TPD52: variants seen among roughly 807,000 people sequenced by gnomAD.
TPD52 encodes the protein prostate and colon associated protein.
A neutral mutation model predicts 31.3 loss-of-function variants in TPD52; 17 were observed. That is an observed-to-expected ratio of 0.54 (90% CI 0.37 to 0.82). The LOEUF (loss-of-function observed/expected upper bound fraction) is 0.82. TPD52 is among the 40% of genes least tolerant of loss of function. The pLI, the probability that TPD52 is intolerant of heterozygous loss-of-function variation, is 0.00. For synonymous variants in TPD52, 83 were observed against 89.6 expected (o/e 0.93, Z 0.42); for missense variants, 212 against 240.1 (o/e 0.88, Z 0.77).
intron 1 of TPD52, among the ~76,000 whole-genome samples, chr8:80,112,407 T>C (rs1331851344): frequency 2.6e-5 from 4 of 152,214 alleles, no homozygotes; most frequent in Non-Finnish European, 5.9e-5. Context: ...ACCTTGAGCC[T>C]GTGTTCTTGG....
chr8:80,045,697 A>G (rs374860396), intron 5 of TPD52, among the ~76,000 whole-genome samples: 89 of 152,228 alleles, frequency 5.8e-4, no homozygotes, highest in Non-Finnish European at 1.0e-3. Flanking sequence ...TCTTGGTTTC[A>G]ATAATAGAAG....
intron 1 of TPD52, among the ~76,000 whole-genome samples, chr8:80,066,338 C>T (rs1304951829): frequency 6.6e-6 from 1 of 152,028 alleles, no homozygotes; most frequent in Non-Finnish European, 1.5e-5. Context: ...AAAATAGTGC[C>T]TACCTGGAAA....
At position 80,100,129 on chromosome 8, in the gene TPD52, A is replaced by C. The variant is rs562509143; in HGVS notation, c.20-35536T>G. Among the ~76,000 whole-genome samples, 8 of 152,354 alleles carry C rather than the reference A, an allele frequency of 5.3e-5. No individual in the cohort carries two copies. In the South Asian group the frequency reaches 1.7e-3, roughly 32 times the overall value. On this transcript the variant is annotated intron_variant, in intron 1 of 7. Coordinates refer to ENST00000518937, the MANE Select transcript of TPD52 (RefSeq NM_001025253.3). ...ATTCTTGATAAAGAGGATTTGATTT[A>C]GAAAGATAATCCTCTGGGGAAATCT... is the stretch of plus-strand genomic sequence containing the variant.
At chr8:80,071,297 C>T (rs1401739653) in intron 1 of TPD52, among the ~76,000 whole-genome samples, 1 of 152,160 alleles carries the variant, frequency 6.6e-6, no homozygotes, top group Non-Finnish European at 1.5e-5. Context: ...CTTCTTTAAT[C>T]ACATTTATCT....
intron 1 of TPD52, among the ~76,000 whole-genome samples, chr8:80,107,751 GT>G (rs74275133): frequency 0.077 from 11,463 of 148,826 alleles, 505 homozygotes; most frequent in African/African-American, 0.12. Context: ...CCAAATGTGT[GT>G]TTTTTTTTTA....
chr8:80,144,578 A>T (rs958081602), intron 1 of TPD52, among the ~76,000 whole-genome samples: 18 of 152,110 alleles, frequency 1.2e-4, no homozygotes, highest in African/African-American at 4.3e-4. Context: ...CTCCTCTTAC[A>T]TTAAATATTT....
intron 1 of TPD52, among the ~76,000 whole-genome samples, chr8:80,087,544 G>A (rs938915151): frequency 8.5e-5 from 13 of 152,184 alleles, no homozygotes; most frequent in African/African-American, 2.4e-4. Context: ...CAGCCCTGAG[G>A]GCGCTGTGGA....
chr8:80,104,261 G>T (rs900788840), intron 1 of TPD52, among the ~76,000 whole-genome samples: 1 of 152,152 alleles, frequency 6.6e-6, no homozygotes, highest in Non-Finnish European at 1.5e-5. Context: ...TCCCAGTTTG[G>T]GGGTGTGGGG....
downstream of TPD52, chr8:80,032,962 G>C (rs1470788178): frequency 6.6e-6 from 1 of 152,448 alleles, no homozygotes; most frequent in Non-Finnish European, 1.5e-5. Context: ...TGCCAAGGGT[G>C]AGCCAGGCAT....
At chr8:80,047,281 C>T (rs746088241) in intron 5 of TPD52, among the ~76,000 whole-genome samples, 3 of 152,170 alleles carry the variant, frequency 2.0e-5, no homozygotes, top group Non-Finnish European at 2.9e-5. Context: ...GTTTCCTCAT[C>T]TGTAATATCA....
At chr8:80,160,889 C>CAAAAAAAAAAAAAAAAAAAAAAAA (rs58923055) in intron 1 of TPD52, among the ~76,000 whole-genome samples, 1 of 95,096 alleles carries the variant, frequency 1.1e-5, no homozygotes, top group African/African-American at 4.3e-5. Context: ...ACTAAAAATA[C>CAAAAAAAAAAAAAAAAAAAAAAAA]AAAAAAAAAA....
intron 1 of TPD52, among the ~76,000 whole-genome samples, chr8:80,096,277 AAC>A (rs752164327): frequency 8.0e-6 from 1 of 125,614 alleles, no homozygotes; most frequent in Admixed American, 8.8e-5. Context: ...AAGACTATCA[AAC>A]ACACACACAC....
intron 1 of TPD52, among the ~76,000 whole-genome samples, chr8:80,154,724 C>G (rs1810811566): frequency 2.1e-5 from 3 of 145,642 alleles, no homozygotes; most frequent in South Asian, 4.5e-4. Flanking sequence ...CACACACACA[C>G]ACACACACAC....
intron 1 of TPD52, among the ~76,000 whole-genome samples, chr8:80,095,126 T>G (rs74589131): frequency 0.018 from 2,684 of 152,150 alleles, 74 homozygotes; most frequent in African/African-American, 0.06. Context: ...CACCAAGATG[T>G]CATTCAGTAG....
intron 1 of TPD52, among the ~76,000 whole-genome samples, chr8:80,099,695 G>C (rs928186142): frequency 7.9e-5 from 12 of 152,088 alleles, no homozygotes; most frequent in African/African-American, 2.9e-4. Context: ...ATTTTTAGTA[G>C]AGACGGGGTT....
At chr8:80,106,244 C>T (rs956903727) in intron 1 of TPD52, among the ~76,000 whole-genome samples, 7 of 152,138 alleles carry the variant, frequency 4.6e-5, no homozygotes, top group African/African-American at 1.7e-4. Context: ...TTGTATAACA[C>T]AAAGGACAAT....
At chr8:80,171,385 TCCAAGCCCGAG>T in intron 1 of TPD52, 29 bp downstream of exon 1, 1 of 1,077,798 alleles carries the variant, frequency 9.3e-7, no homozygotes. Context: ...CAAGCCCGAG[TCCAAGCCCGAG>T]CCCAAGCCCG....
chr8:80,044,823 C>A (rs1182901683), intron 5 of TPD52, among the ~76,000 whole-genome samples: 3 of 152,160 alleles, frequency 2.0e-5, no homozygotes, highest in African/African-American at 4.8e-5. Context: ...AATAGTTTGA[C>A]CACTGGCACG....
At chr8:80,051,174 C>T (rs1586159756) in intron 4 of TPD52, 1 of 293,262 alleles carries the variant, frequency 3.4e-6, no homozygotes, top group East Asian at 8.9e-5. Context: ...GCGTGCACTT[C>T]AGTGCTCCTG....
Sources: gnomAD v4.1 joint callset for allele counts (sites outside exome capture counted in the v4.1 genomes callset) on GRCh38, gnomAD v4.1.1 for gene constraint, MANE v1.5 for transcripts, NCBI Gene and HGNC (gene_info 2026-07-23, HGNC 2026-07-21) for gene names.